The following SLC30A6 variants were observed in gnomAD, a reference collection of about 807,000 sequenced individuals.
SLC30A6 encodes solute carrier family 30 member 6.
A neutral mutation model predicts 63.0 loss-of-function variants in SLC30A6; 55 were observed. The ratio of observed to expected loss-of-function variants is 0.87; its 90% CI spans 0.70 to 1.09. SLC30A6 has a LOEUF of 1.09. SLC30A6 is among the 50% of genes least tolerant of loss of function. SLC30A6 has a pLI of 0.00. For synonymous variants in SLC30A6, 224 were observed against 186.1 expected (o/e 1.20, Z -1.66); for missense variants, 587 against 549.2 (o/e 1.07, Z -0.69).
Position 32,204,710 on chromosome 2 carries a change from A to G in SLC30A6, c.768+18A>G, listed in dbSNP as rs1168515080. 2.7e-6 allele frequency: 4 copies of G among 1,500,992 alleles called. No individual in the cohort carries two copies. Among genetic ancestry groups the G allele is most frequent in the South Asian group, 1.2e-5 (1 of 84,224 alleles). The allele number at this position is 1,500,992 out of a possible 1,614,324, so 93.0% of individuals were successfully genotyped here. A position where few individuals can be genotyped will look rare whatever the true frequency, so the allele number is the denominator to read the frequency against. On this transcript the variant is annotated intron_variant, in intron 11 of 13. Transcript: ENST00000282587. Reference sequence around the variant, plus strand: ...TACTCCAGGTAAGGTGCTTCTTCCAATGCACGTGCTTAATATTAGCCATGT... The same window carrying G: ...TACTCCAGGTAAGGTGCTTCTTCCAGTGCACGTGCTTAATATTAGCCATGT...
chr2:32,182,404 G>C (rs1408215864), intron 4 of SLC30A6, among the ~76,000 whole-genome samples: 1 of 152,164 alleles, frequency 6.6e-6, no homozygotes, highest in African/African-American at 2.4e-5. Flanking sequence ...CACACTATAT[G>C]AACCCTGTCA....
chr2:32,203,359 G>A, intron 10 of SLC30A6: 1 of 964,856 alleles, frequency 1.0e-6, no homozygotes. Flanking sequence ...CTTCTACAAT[G>A]GATTTAGTTA....
intron 1 of SLC30A6, among the ~76,000 whole-genome samples, chr2:32,166,523 G>A (rs561343781): frequency 1.3e-5 from 2 of 152,302 alleles, no homozygotes; most frequent in South Asian, 4.1e-4. Context: ...GTTGGGATAT[G>A]GTGTTTTCTC....
At position 32,220,552 on chromosome 2, in the gene SLC30A6, T is replaced by TA; in HGVS notation, c.1226dup (p.Tyr409Ter). The change falls in exon 14 of 14, where the codon TAT becomes TAAT. Residue 409 changes from tyrosine (Y) to a stop codon, truncating the protein, a stop_gained and frameshift_variant. Coordinates refer to ENST00000282587, the MANE Select transcript of SLC30A6 (RefSeq NM_017964.5). LOFTEE classifies it high-confidence loss of function. ...TCTTCTAAACACACAAACAAGGCCTTATGGTTTTGGTCTCAATCATGGACA... is the reference window on the plus strand; with the variant it reads ...TCTTCTAAACACACAAACAAGGCCTTAATGGTTTTGGTCTCAATCATGGACA... ...VILLNTQTRP[Y>*]GFGLNHGHTP... 6.2e-7 allele frequency: 1 copy of TA among 1,613,922 alleles called. No individual in the cohort carries two copies. Among genetic ancestry groups the TA allele is most frequent in the Non-Finnish European group, 8.5e-7 (1 of 1,179,812 alleles).
At chr2:32,195,445 T>C (rs1683704389) in intron 8 of SLC30A6, among the ~76,000 whole-genome samples, 2 of 152,128 alleles carry the variant, frequency 1.3e-5, no homozygotes, top group African/African-American at 4.8e-5. Flanking sequence ...GATTTTTTAA[T>C]GTTTGCATAA....
At chr2:32,206,499 C>G (rs951116864) in intron 11 of SLC30A6, among the ~76,000 whole-genome samples, 2 of 151,570 alleles carry the variant, frequency 1.3e-5, no homozygotes, top group Non-Finnish European at 2.9e-5. Context: ...GTGGTTCCTT[C>G]TGTCTTACCC....
intron 13 of SLC30A6, among the ~76,000 whole-genome samples, chr2:32,211,021 C>T (rs530149949): frequency 6.6e-6 from 1 of 152,294 alleles, no homozygotes; most frequent in Admixed American, 6.5e-5. Flanking sequence ...CTTTAGAGAT[C>T]TACCCACCTC....
chr2:32,174,212 A>C, intron 3 of SLC30A6, 65 bp downstream of exon 3: 4 of 1,192,992 alleles, frequency 3.4e-6, no homozygotes, highest in Non-Finnish European at 4.9e-6. Flanking sequence ...TTGGAAATAA[A>C]GGTATATCTT....
At chr2:32,208,860 A>G (rs962846969) in intron 12 of SLC30A6, among the ~76,000 whole-genome samples, 8 of 152,206 alleles carry the variant, frequency 5.3e-5, no homozygotes, top group African/African-American at 1.9e-4. Flanking sequence ...CTAACTAATG[A>G]AGAAATAAAA....
intron 1 of SLC30A6, among the ~76,000 whole-genome samples, chr2:32,168,288 A>G (rs1199514371): frequency 6.6e-6 from 1 of 151,924 alleles, no homozygotes; most frequent in Non-Finnish European, 1.5e-5. Context: ...TTGAAACATC[A>G]GTATTAGTCA....
chr2:32,178,944 G>A (rs1682040563), intron 4 of SLC30A6, among the ~76,000 whole-genome samples: 1 of 152,154 alleles, frequency 6.6e-6, no homozygotes, highest in Non-Finnish European at 1.5e-5. Context: ...TGCAGCCTCA[G>A]CCTTTACCGC....
chr2:32,217,016 G>A (rs778336230), intron 13 of SLC30A6, among the ~76,000 whole-genome samples: 3 of 151,384 alleles, frequency 2.0e-5, no homozygotes, highest in Non-Finnish European at 2.9e-5. Flanking sequence ...AGCCTCCCAA[G>A]TAGCTGAAAC....
At chr2:32,219,459 G>A (rs979761596) in intron 13 of SLC30A6, among the ~76,000 whole-genome samples, 1 of 150,286 alleles carries the variant, frequency 6.7e-6, no homozygotes, top group Non-Finnish European at 1.5e-5. Flanking sequence ...TTTCAAGATA[G>A]GATATCACTC....
intron 13 of SLC30A6, among the ~76,000 whole-genome samples, chr2:32,211,317 G>A (rs1380161320): frequency 6.6e-6 from 1 of 152,184 alleles, no homozygotes; most frequent in African/African-American, 2.4e-5. Context: ...ATTCTTGAAT[G>A]TTGAAAGCAG....
chr2:32,193,373 A>C (rs1054105726), intron 7 of SLC30A6, among the ~76,000 whole-genome samples: 1 of 152,102 alleles, frequency 6.6e-6, no homozygotes, highest in African/African-American at 2.4e-5. Context: ...TCAGGAGTTC[A>C]AGACCAACCT....
rs139966350 is a variant in SLC30A6, at chr2:32,203,383, G to A, written c.666-1207G>A. 1,592 of 1,069,828 alleles carry A rather than the reference G, an allele frequency of 1.5e-3. 19 individuals are homozygous for A. The African/African-American group carries it at 0.015, about 10-fold the overall frequency. The allele number at this position is 1,069,828 out of a possible 1,614,324, so 66.3% of individuals were successfully genotyped here. On this transcript the variant is annotated intron_variant, in intron 10 of 13. Coordinates refer to ENST00000282587, the MANE Select transcript of SLC30A6 (RefSeq NM_017964.5). ...TGGATTTAGTTAAATCTAAAAGCAC[G>A]GATGCCATAAGGTCTCTGGCTTCTG... is the stretch of plus-strand genomic sequence containing the variant.
In SLC30A6 at chr2:32,197,705, A is replaced by G; in HGVS notation, c.546-2A>G. The G allele has an allele frequency of 6.2e-7, 1 of 1,613,622 alleles. No homozygotes were observed. Among genetic ancestry groups the G allele is most frequent in the Non-Finnish European group, 8.5e-7 (1 of 1,179,878 alleles). On this transcript the variant is annotated splice_acceptor_variant, in intron 9 of 13. Transcript: ENST00000282587. LOFTEE classifies it high-confidence loss of function. ...ATACTCTTTCTGTTTGTTTTTTCTT[A>G]GCTTGTGTGGAATTATTCCGGGACT...
chr2:32,209,221 A>G (rs184868962), intron 12 of SLC30A6, among the ~76,000 whole-genome samples: 1 of 152,348 alleles, frequency 6.6e-6, no homozygotes, highest in Admixed American at 6.5e-5. Flanking sequence ...TGTTGAAGAA[A>G]TTGGTTGGGG....
chr2:32,181,768 TGAG>T (rs946163736), intron 4 of SLC30A6, among the ~76,000 whole-genome samples: 22 of 151,794 alleles, frequency 1.4e-4, no homozygotes, highest in Non-Finnish European at 3.1e-4. Flanking sequence ...CTTGGAAAGC[TGAG>T]GTGGGAGAAT....
Sources: gnomAD v4.1 joint callset for allele counts (sites outside exome capture counted in the v4.1 genomes callset) on GRCh38, gnomAD v4.1.1 for gene constraint, MANE v1.5 for transcripts, NCBI Gene and HGNC (gene_info 2026-07-23, HGNC 2026-07-21) for gene names.